RELN: variants seen among roughly 807,000 people sequenced by gnomAD.
RELN encodes reelin.
RELN carries 108 observed loss-of-function variants against 427.6 expected under a neutral mutation model. That is an observed-to-expected ratio of 0.25 (90% confidence interval 0.22 to 0.30). The LOEUF (loss-of-function observed/expected upper bound fraction) is 0.30, where lower values mean the gene tolerates loss of function less well. Ranked by LOEUF, RELN falls within the 10% of genes least tolerant of loss-of-function variation. The pLI is 1.00. For synonymous variants in RELN, 1,524 were observed against 1,513.4 expected (o/e 1.01, Z -0.16); for missense variants, 3,715 against 4,302.8 (o/e 0.86, Z 3.82).
intron 2 of RELN, among the ~76,000 whole-genome samples, chr7:103,911,719 T>C (rs1387243092): frequency 1.3e-4 from 19 of 141,938 alleles, no homozygotes; most frequent in Non-Finnish European, 7.7e-5. Flanking sequence ...ATGGATGAAA[T>C]TGGAAATCAT....
intron 3 of RELN, among the ~76,000 whole-genome samples, chr7:103,825,573 T>G (rs894961706): frequency 6.6e-6 from 1 of 152,174 alleles, no homozygotes; most frequent in Non-Finnish European, 1.5e-5. Flanking sequence ...TCCTTCTATG[T>G]GTCCTTTGAA....
intron 1 of RELN, among the ~76,000 whole-genome samples, chr7:103,941,365 C>T (rs1000944857): frequency 6.6e-6 from 1 of 152,120 alleles, no homozygotes; most frequent in African/African-American, 2.4e-5. Context: ...GTTCGAAGGG[C>T]ATGGAAGAAT....
intron 3 of RELN, among the ~76,000 whole-genome samples, chr7:103,827,851 T>C (rs1563036655): frequency 6.6e-6 from 1 of 152,044 alleles, no homozygotes; most frequent in Non-Finnish European, 1.5e-5. Context: ...AAGATGAAAT[T>C]TCTCCTTTAG....
At chr7:103,773,248 T>TCTCC in intron 4 of RELN, among the ~76,000 whole-genome samples, 3 of 137,118 alleles carry the variant, frequency 2.2e-5, no homozygotes, top group African/African-American at 5.5e-5. Flanking sequence ...CCTGTCTCTC[T>TCTCC]CTCCCTCCCT....
At chr7:103,516,041 A>G (rs1829559911) in intron 49 of RELN, among the ~76,000 whole-genome samples, 1 of 152,202 alleles carries the variant, frequency 6.6e-6, no homozygotes, top group African/African-American at 2.4e-5. Context: ...TGTGAGAACC[A>G]TGGGCTAGCA....
intron 1 of RELN, among the ~76,000 whole-genome samples, chr7:103,964,533 A>G (rs1048768496): frequency 2.6e-5 from 4 of 152,218 alleles, no homozygotes; most frequent in Admixed American, 1.3e-4. Context: ...ACAACTTACA[A>G]TTACCACAAC....
chr7:103,619,520 T>C (rs563916989), intron 20 of RELN, among the ~76,000 whole-genome samples: 1 of 152,274 alleles, frequency 6.6e-6, no homozygotes, highest in South Asian at 2.1e-4. Context: ...AACAAATATA[T>C]AGTTTTAAAG....
chr7:103,750,380 G>T (rs1482159431), intron 5 of RELN, among the ~76,000 whole-genome samples: 1 of 152,172 alleles, frequency 6.6e-6, no homozygotes, highest in Non-Finnish European at 1.5e-5. Context: ...TGCCACAATT[G>T]TAAGTTTCCT....
At chr7:103,813,467 G>A (rs182968569) in intron 3 of RELN, among the ~76,000 whole-genome samples, 1 of 152,178 alleles carries the variant, frequency 6.6e-6, no homozygotes, top group Non-Finnish European at 1.5e-5. Context: ...AGGTAGAGAA[G>A]GCAATCACAT....
intron 24 of RELN, among the ~76,000 whole-genome samples, chr7:103,601,718 A>G (rs1831673017): frequency 6.6e-6 from 1 of 152,154 alleles, no homozygotes; most frequent in South Asian, 2.1e-4. Flanking sequence ...GACAGATTGG[A>G]AAAGAGAAAA....
intron 31 of RELN, among the ~76,000 whole-genome samples, chr7:103,570,512 A>G (rs776194237): frequency 1.3e-5 from 2 of 151,972 alleles, no homozygotes; most frequent in Admixed American, 1.3e-4. Flanking sequence ...ACAATCTAAC[A>G]TTTTCTTGCT....
chr7:103,920,650 T>A (rs1218587919), intron 1 of RELN, among the ~76,000 whole-genome samples: 1 of 147,526 alleles, frequency 6.8e-6, no homozygotes, highest in Non-Finnish European at 1.5e-5. Context: ...CTCAGCTCAC[T>A]GCAGCCTCCA....
chr7:103,628,098 G>A lies in RELN; in HGVS notation c.2702+1842C>T, dbSNP rs956625910. 4 of 152,070 alleles carry A rather than the reference G, an allele frequency of 2.6e-5. No individual in the cohort carries two copies. The East Asian group carries it at 5.8e-4, about 22-fold the overall frequency. 9.4% of individuals were successfully genotyped at this position (152,070 alleles called of 1,614,324 possible). ...TACAAACTTGAAGGATATAGTTTAC[G>A]GTACATGATCAGTTTGAATTACTGT... On this transcript the variant is annotated intron_variant, in intron 20 of 64. Transcript: ENST00000428762.
At chr7:103,791,412 A>G (rs1211198844) in intron 3 of RELN, among the ~76,000 whole-genome samples, 2 of 152,230 alleles carry the variant, frequency 1.3e-5, no homozygotes, top group African/African-American at 4.8e-5. Flanking sequence ...ATAGATCAAT[A>G]GAACAGAATT....
At chr7:103,849,676 T>A (rs1431874613) in intron 2 of RELN, among the ~76,000 whole-genome samples, 2 of 152,192 alleles carry the variant, frequency 1.3e-5, no homozygotes, top group African/African-American at 4.8e-5. Context: ...TGCATAGAAC[T>A]GGAGTCAGTG....
chr7:103,696,813 A>C (rs933315496), intron 10 of RELN, among the ~76,000 whole-genome samples: 12 of 152,120 alleles, frequency 7.9e-5, no homozygotes, highest in Non-Finnish European at 1.3e-4. Flanking sequence ...GGATATTTCA[A>C]AAACAAATAT....
chr7:103,754,039 T>C (rs1423203231), intron 4 of RELN, among the ~76,000 whole-genome samples: 1 of 152,156 alleles, frequency 6.6e-6, no homozygotes, highest in Non-Finnish European at 1.5e-5. Context: ...TACTGGAAGA[T>C]CTTTAAGCAG....
intron 11 of RELN, among the ~76,000 whole-genome samples, chr7:103,679,322 T>C (rs919860827): frequency 1.3e-5 from 2 of 152,232 alleles, no homozygotes; most frequent in Non-Finnish European, 2.9e-5. Context: ...GAAGTAATTC[T>C]GGGGTGTAGC....
intron 1 of RELN, among the ~76,000 whole-genome samples, chr7:103,987,454 C>A (rs1797126168): frequency 6.6e-6 from 1 of 152,110 alleles, no homozygotes; most frequent in Non-Finnish European, 1.5e-5. Flanking sequence ...GTTAAGTTTT[C>A]AATATCGAGA....
Sources: allele counts gnomAD v4.1 joint callset (sites outside exome capture counted in the v4.1 genomes callset), GRCh38; gene constraint gnomAD v4.1.1; transcripts MANE v1.5; gene names NCBI Gene and HGNC (gene_info 2026-07-23, HGNC 2026-07-21).